LRRC8B: variants seen among roughly 807,000 people sequenced by gnomAD.
The protein encoded by LRRC8B is leucine rich repeat containing 8 VRAC subunit B, also known as volume-regulated anion channel subunit LRRC8B.
In LRRC8B, 23 loss-of-function variants were observed where a neutral mutation model predicts 58.8. That is an observed-to-expected ratio of 0.39 (90% CI 0.28 to 0.55). LRRC8B has a LOEUF of 0.55. LRRC8B is among the 20% of genes least tolerant of loss of function. LRRC8B has a pLI of 0.62. For synonymous variants in LRRC8B, 359 were observed against 374.1 expected (o/e 0.96, Z 0.47); for missense variants, 694 against 936.0 (o/e 0.74, Z 3.37).
At chr1:89,591,767 C>T (rs530946410) in intron 5 of LRRC8B, among the ~76,000 whole-genome samples, 1 of 152,266 alleles carries the variant, frequency 6.6e-6, no homozygotes, top group Non-Finnish European at 1.5e-5. Flanking sequence ...TAGGCCAAGT[C>T]CCTGAGTGCC....
chr1:89,525,583 GAGAA>G (rs1279416657), intron 1 of LRRC8B, among the ~76,000 whole-genome samples: 1 of 152,212 alleles, frequency 6.6e-6, no homozygotes, highest in Non-Finnish European at 1.5e-5. Context: ...TGATTTGTTT[GAGAA>G]AGAAAGGGCA....
chr1:89,543,448 T>G (rs1055172233), intron 1 of LRRC8B, among the ~76,000 whole-genome samples: 6 of 152,128 alleles, frequency 3.9e-5, no homozygotes, highest in Non-Finnish European at 7.4e-5. Flanking sequence ...TAAAACAATC[T>G]ATTATACAAG....
At position 89,584,575 on chromosome 1, in the gene LRRC8B, A is replaced by G; in HGVS notation, c.1925A>G (p.His642Arg). 2 of 1,614,190 alleles carry G rather than the reference A, an allele frequency of 1.2e-6. No homozygotes were observed. The highest frequency in any genetic ancestry group is 1.7e-6 in the Non-Finnish European group (2 of 1,180,012). ...LQNLSCLKLW[H>R]NNIAYIPAQI... Reference sequence around the variant, plus strand: ...AATCTTTCCTGCTTAAAGTTGTGGCACAATAACATTGCTTATATTCCTGCA... The same window carrying G: ...AATCTTTCCTGCTTAAAGTTGTGGCGCAATAACATTGCTTATATTCCTGCA... Residue 642 changes from histidine (H) to arginine (R), a missense_variant, in exon 5 of 6, where the codon CAC (histidine) becomes CGC (arginine). By Grantham distance (29) the His-to-Arg change is conservative (BLOSUM62 0). Around this residue, in one of 5 missense-constraint regions of LRRC8B, gnomAD observed 53 missense variants for 112.3 expected, o/e 0.47. Coordinates refer to ENST00000330947, the MANE Select transcript of LRRC8B (RefSeq NM_001369817.2).
intron 3 of LRRC8B, among the ~76,000 whole-genome samples, chr1:89,576,971 C>T (rs1220924144): frequency 6.6e-6 from 1 of 152,042 alleles, no homozygotes; most frequent in Non-Finnish European, 1.5e-5. Context: ...TGCATTGTTT[C>T]CTAGAGAGAG....
At position 89,583,936 on chromosome 1, in the gene LRRC8B, T is replaced by C. The variant is rs1207563974; in HGVS notation, c.1286T>C (p.Leu429Pro). ...AAGATAGAACTGCATCTTTTTATGC[T>C]CAACGGTCTTCCAGACAATGTCTTT... The part of the protein sequence containing the change: ...QDKIELHLFM[L>P]NGLPDNVFEL... The change falls in exon 5 of 6, where the codon CTC becomes CCC. Residue 429 changes from leucine (L) to proline (P), a missense_variant. Around this residue, in one of 5 missense-constraint regions of LRRC8B, gnomAD observed 162 missense variants for 198.5 expected, o/e 0.82. Coordinates refer to ENST00000330947, the MANE Select transcript of LRRC8B (RefSeq NM_001369817.2). This position sits in a 1 kb window ranked among gnomAD's most constrained non-coding sequence, Gnocchi z 5.2. 11 of 1,614,084 alleles carry C rather than the reference T, an allele frequency of 6.8e-6. No individual in the cohort carries two copies. Among genetic ancestry groups the C allele is most frequent in the African/African-American group, 2.7e-5 (2 of 74,920 alleles).
chr1:89,536,869 T>A (rs868521129), intron 1 of LRRC8B, among the ~76,000 whole-genome samples: 2 of 152,190 alleles, frequency 1.3e-5, no homozygotes, highest in Non-Finnish European at 2.9e-5. Context: ...GAGGGTACTT[T>A]TAATTTTTAA....
chr1:89,562,331 A>G, intron 1 of LRRC8B, among the ~76,000 whole-genome samples: 1 of 152,136 alleles, frequency 6.6e-6, no homozygotes, highest in East Asian at 1.9e-4. Flanking sequence ...TACTTTGCAT[A>G]TCCATTAAAT....
chr1:89,569,791 C>T (rs1653313207), intron 3 of LRRC8B, among the ~76,000 whole-genome samples: 1 of 151,904 alleles, frequency 6.6e-6, no homozygotes, highest in African/African-American at 2.4e-5. Flanking sequence ...GTTTGTGGTA[C>T]ATATTATTTT....
At chr1:89,543,270 C>G (rs1365688672) in intron 1 of LRRC8B, among the ~76,000 whole-genome samples, 1 of 152,016 alleles carries the variant, frequency 6.6e-6, no homozygotes, top group South Asian at 2.1e-4. Context: ...CTTGAAAAGT[C>G]TTTTATGCTA....
At chr1:89,561,784 A>G (rs1203124791) in intron 1 of LRRC8B, among the ~76,000 whole-genome samples, 1 of 148,002 alleles carries the variant, frequency 6.8e-6, no homozygotes, top group African/African-American at 2.5e-5. Context: ...TGTTTTGGTT[A>G]CTGTAGCCTT....
intron 1 of LRRC8B, among the ~76,000 whole-genome samples, chr1:89,544,415 A>G (rs1651249527): frequency 6.6e-6 from 1 of 152,184 alleles, no homozygotes; most frequent in Admixed American, 6.5e-5. Context: ...ATTTTGACCT[A>G]ATAATCTCAT....
intron 1 of LRRC8B, among the ~76,000 whole-genome samples, chr1:89,525,751 A>C (rs1263675069): frequency 6.6e-6 from 1 of 152,166 alleles, no homozygotes; most frequent in Non-Finnish European, 1.5e-5. Context: ...TAGTTAGATG[A>C]CATTTGTGGA....
At chr1:89,545,515 C>T (rs535339377) in intron 1 of LRRC8B, among the ~76,000 whole-genome samples, 1 of 152,094 alleles carries the variant, frequency 6.6e-6, no homozygotes. Context: ...GTCTGCATGC[C>T]CTGTCCAAGG....
In LRRC8B at chr1:89,579,641, G is replaced by A. The variant is rs976424574; in HGVS notation, c.-74G>A. 1 of 152,606 alleles carries A rather than the reference G, an allele frequency of 6.6e-6. No homozygotes were observed. The highest frequency in any genetic ancestry group is 1.5e-5 in the Non-Finnish European group (1 of 68,030). 9.5% of individuals were successfully genotyped at this position (152,606 alleles called of 1,614,324 possible). On this transcript the variant is annotated 5_prime_UTR_variant, in exon 4 of 6. Coordinates refer to ENST00000330947, the MANE Select transcript of LRRC8B (RefSeq NM_001369817.2). Reference sequence around the variant, plus strand: ...TGTCTAAGAAACTTCAAAAGGTGTAGACCTCCTGACTGAAGCATATTGGAT... The same window carrying A: ...TGTCTAAGAAACTTCAAAAGGTGTAAACCTCCTGACTGAAGCATATTGGAT...
intron 3 of LRRC8B, among the ~76,000 whole-genome samples, chr1:89,578,220 T>C (rs1653988086): frequency 6.6e-6 from 1 of 152,210 alleles, no homozygotes; most frequent in South Asian, 2.1e-4. Context: ...ATTTCTAATA[T>C]TTAAGGAGAA....
At chr1:89,561,891 G>A (rs563689173) in intron 1 of LRRC8B, among the ~76,000 whole-genome samples, 7 of 151,978 alleles carry the variant, frequency 4.6e-5, no homozygotes, top group Non-Finnish European at 1.0e-4. Context: ...GGTTCCATAT[G>A]AACTTTATCT....
chr1:89,538,977 C>T (rs1650750151), intron 1 of LRRC8B, among the ~76,000 whole-genome samples: 1 of 152,154 alleles, frequency 6.6e-6, no homozygotes, highest in African/African-American at 2.4e-5. Context: ...CCATCTTGGC[C>T]TCCCAAAGTG....
At chr1:89,578,188 T>C (rs889588375) in intron 3 of LRRC8B, among the ~76,000 whole-genome samples, 2 of 152,196 alleles carry the variant, frequency 1.3e-5, no homozygotes, top group South Asian at 4.1e-4. Context: ...AGATGTTAAA[T>C]TATTAATAAA....
At chr1:89,577,207 G>A (rs1408641208) in intron 3 of LRRC8B, among the ~76,000 whole-genome samples, 1 of 152,106 alleles carries the variant, frequency 6.6e-6, no homozygotes, top group East Asian at 1.9e-4. Context: ...AGTATATAAT[G>A]ACACTAAATA....
Sources: gnomAD v4.1 joint callset for allele counts (sites outside exome capture counted in the v4.1 genomes callset) on GRCh38, gnomAD v4.1.1 for gene constraint, gnomAD v4.1.1 regional missense constraint, Gnocchi (gnomAD v3.1) non-coding constraint, MANE v1.5 for transcripts, NCBI Gene and HGNC (gene_info 2026-07-23, HGNC 2026-07-21) for gene names.